Variants in ADAMTSL1 observed in about 807,000 individuals in gnomAD.
ADAMTSL1 encodes the protein ADAMTS-like protein 1.
In ADAMTSL1, 126 loss-of-function variants were observed where a neutral mutation model predicts 201.8. That is an observed-to-expected ratio of 0.62 (90% CI 0.54 to 0.72). The LOEUF is 0.72. ADAMTSL1 is among the 30% of genes least tolerant of loss of function. The pLI is 0.00. For missense variants in ADAMTSL1, 2,679 were observed against 2,277.8 expected (o/e 1.18, Z -3.59); for synonymous variants, 1,121 against 903.4 (o/e 1.24, Z -4.32).
intron 1 of ADAMTSL1, among the ~76,000 whole-genome samples, chr9:17,910,427 C>G (rs1825876991): frequency 1.5e-5 from 1 of 68,524 alleles, no homozygotes; most frequent in Admixed American, 1.8e-4. Context: ...TCATTAGGTG[C>G]TTTCTTGGCA....
At chr9:18,664,273 A>C (rs770286388) in intron 9 of ADAMTSL1, among the ~76,000 whole-genome samples, 13 of 152,206 alleles carry the variant, frequency 8.5e-5, no homozygotes, top group Admixed American at 2.0e-4. Context: ...AACCCTTCTG[A>C]ATTCTAAGAG....
At chr9:18,281,835 G>C (rs1832802487) in intron 2 of ADAMTSL1, among the ~76,000 whole-genome samples, 3 of 152,178 alleles carry the variant, frequency 2.0e-5, no homozygotes, top group Non-Finnish European at 1.5e-5. Flanking sequence ...CTCTAAAAGT[G>C]CTGGGATTAT....
At chr9:18,632,080 G>A (rs1471068044) in intron 5 of ADAMTSL1, among the ~76,000 whole-genome samples, 1 of 152,142 alleles carries the variant, frequency 6.6e-6, no homozygotes. Context: ...TGTGGCCCCT[G>A]CCTCGCCAGC....
intron 2 of ADAMTSL1, among the ~76,000 whole-genome samples, chr9:18,394,293 A>G (rs1328833701): frequency 6.6e-6 from 1 of 152,208 alleles, no homozygotes; most frequent in Non-Finnish European, 1.5e-5. Flanking sequence ...TTTAAAGGCC[A>G]TATGCTTTAA....
chr9:18,597,968 G>T (rs891406705), intron 4 of ADAMTSL1, among the ~76,000 whole-genome samples: 8 of 152,178 alleles, frequency 5.3e-5, no homozygotes, highest in South Asian at 4.1e-4. Context: ...TTGCCTCTTT[G>T]GTTAGACTGC....
intron 2 of ADAMTSL1, among the ~76,000 whole-genome samples, chr9:18,463,755 C>G (rs1475340197): frequency 1.3e-5 from 2 of 152,162 alleles, no homozygotes; most frequent in African/African-American, 2.4e-5. Context: ...GTTCATTTGT[C>G]AATAAAGACT....
At chr9:17,966,466 C>T (rs530340682) in intron 1 of ADAMTSL1, among the ~76,000 whole-genome samples, 1 of 152,290 alleles carries the variant, frequency 6.6e-6, no homozygotes, top group South Asian at 2.1e-4. Context: ...CAGACCCTCC[C>T]TTCTGCAATA....
chr9:18,301,315 T>C (rs1290586736), intron 2 of ADAMTSL1, among the ~76,000 whole-genome samples: 1 of 152,180 alleles, frequency 6.6e-6, no homozygotes, highest in Non-Finnish European at 1.5e-5. Flanking sequence ...AAAATACTTA[T>C]CTCACATAAT....
chr9:18,611,617 G>C (rs998026231), intron 4 of ADAMTSL1, among the ~76,000 whole-genome samples: 7 of 152,124 alleles, frequency 4.6e-5, no homozygotes, highest in African/African-American at 1.7e-4. Flanking sequence ...TTTAATAAAC[G>C]TTAGAAATCA....
intron 1 of ADAMTSL1, among the ~76,000 whole-genome samples, chr9:18,154,975 A>G (rs1827087103): frequency 6.6e-6 from 1 of 152,062 alleles, no homozygotes; most frequent in Non-Finnish European, 1.5e-5. Flanking sequence ...CATGGAGTGT[A>G]TGGTGAGGGT....
At chr9:18,482,215 C>T (rs1490980031) in intron 1 of ADAMTSL1, among the ~76,000 whole-genome samples, 2 of 152,248 alleles carry the variant, frequency 1.3e-5, no homozygotes, top group East Asian at 3.9e-4. Context: ...GTTTATAATA[C>T]AGGAGATTTA....
intron 23 of ADAMTSL1, among the ~76,000 whole-genome samples, chr9:18,847,686 C>T (rs1479703406): frequency 2.6e-5 from 4 of 152,108 alleles, no homozygotes; most frequent in African/African-American, 9.7e-5. Context: ...ATCCCAGGCA[C>T]AGGAAGAATG....
chr9:18,770,786 G>C lies in ADAMTSL1; in HGVS notation c.2397+5G>C. The C allele has an allele frequency of 1.2e-6, 2 of 1,613,010 alleles. No homozygotes were observed. Among genetic ancestry groups the C allele is most frequent in the South Asian group, 1.1e-5 (1 of 90,946 alleles). ...CTTCTCTCAGACTGGACAGAGGTAT[G>C]TATGTTCCTCCGAAGAGAATGAAAG... On this transcript the variant is annotated splice_donor_5th_base_variant and intron_variant, in intron 17 of 28. Coordinates refer to ENST00000380548, the MANE Select transcript of ADAMTSL1 (RefSeq NM_001040272.6).
chr9:18,249,544 C>CT (rs1023554759), intron 2 of ADAMTSL1, among the ~76,000 whole-genome samples: 3 of 152,034 alleles, frequency 2.0e-5, no homozygotes, highest in African/African-American at 4.8e-5. Context: ...GCGTTAGGTT[C>CT]TTTTTTTAGT....
intron 2 of ADAMTSL1, among the ~76,000 whole-genome samples, chr9:18,311,308 C>T (rs567332553): frequency 5.9e-5 from 9 of 151,772 alleles, no homozygotes; most frequent in Admixed American, 2.0e-4. Flanking sequence ...ACCTATGTAA[C>T]GTGCACATTC....
At chr9:18,073,745 A>T (rs1004901968) in intron 1 of ADAMTSL1, among the ~76,000 whole-genome samples, 1 of 152,212 alleles carries the variant, frequency 6.6e-6, no homozygotes, top group Non-Finnish European at 1.5e-5. Flanking sequence ...CTGGCAAGGG[A>T]TTAAAAATAA....
intron 13 of ADAMTSL1, among the ~76,000 whole-genome samples, chr9:18,691,304 G>A (rs777396614): frequency 3.9e-5 from 6 of 152,176 alleles, no homozygotes; most frequent in Non-Finnish European, 8.8e-5. Flanking sequence ...AGAATACAAT[G>A]TATACATTGA....
intron 1 of ADAMTSL1, among the ~76,000 whole-genome samples, chr9:18,121,134 C>G (rs1825478164): frequency 6.6e-6 from 1 of 152,058 alleles, no homozygotes; most frequent in Non-Finnish European, 1.5e-5. Flanking sequence ...ACAGTTGGCT[C>G]TAGGAAAAAG....
intron 16 of ADAMTSL1, among the ~76,000 whole-genome samples, chr9:18,765,736 A>T (rs1012223769): frequency 2.0e-5 from 3 of 152,234 alleles, no homozygotes; most frequent in African/African-American, 7.2e-5. Flanking sequence ...AAATTCTCAA[A>T]CACTTAATAT....
Sources: allele counts gnomAD v4.1 joint callset (sites outside exome capture counted in the v4.1 genomes callset), GRCh38; gene constraint gnomAD v4.1.1; transcripts MANE v1.5; gene names NCBI Gene and HGNC (gene_info 2026-07-23, HGNC 2026-07-21).